CCDC171: variants seen among roughly 807,000 people sequenced by gnomAD.
CCDC171 encodes coiled-coil domain containing 171.
CCDC171 carries 177 observed loss-of-function variants against 168.2 expected under a neutral mutation model. The ratio of observed to expected loss-of-function variants is 1.05; its 90% confidence interval spans 0.93 to 1.19. The LOEUF (loss-of-function observed/expected upper bound fraction) is 1.19. Among genes scored for constraint, CCDC171 ranks in the 50% most tolerant of loss-of-function variants. The pLI is 0.00. For missense variants in CCDC171, 1,991 were observed against 1,539.0 expected, an observed-to-expected ratio of 1.29 and a Z score of -4.91; for synonymous variants, 687 against 540.8, an observed-to-expected ratio of 1.27 and a Z score of -3.75.
chr9:15,667,965 G>T (rs2048850565), intron 9 of CCDC171, among the ~76,000 whole-genome samples: 1 of 151,996 alleles, frequency 6.6e-6, no homozygotes, highest in African/African-American at 2.4e-5. Context: ...TAATACATTT[G>T]AATGTATTCA....
At chr9:15,829,496 G>A (rs566438264) in intron 21 of CCDC171, among the ~76,000 whole-genome samples, 151 of 152,320 alleles carry the variant, frequency 9.9e-4, no homozygotes, top group South Asian at 8.9e-3. Flanking sequence ...AGATGTGAAA[G>A]TTAGTAATTT....
At chr9:16,033,392 T>C (rs1833400404) in intron 6 of CCDC171, among the ~76,000 whole-genome samples, 1 of 152,140 alleles carries the variant, frequency 6.6e-6, no homozygotes, top group South Asian at 2.1e-4. Context: ...CCACCTCCTA[T>C]CAGAACAGCA....
At chr9:15,691,676 A>G (rs1354153581) in intron 10 of CCDC171, among the ~76,000 whole-genome samples, 1 of 150,970 alleles carries the variant, frequency 6.6e-6, no homozygotes, top group African/African-American at 2.4e-5. Context: ...GTTGTATTGT[A>G]TTTACCTTAT....
At chr9:15,688,131 AAAAAAAAAG>A (rs1466226752) in intron 10 of CCDC171, among the ~76,000 whole-genome samples, 86 of 150,176 alleles carry the variant, frequency 5.7e-4, no homozygotes, top group Admixed American at 1.4e-3. Context: ...AAAAAAAAAA[AAAAAAAAAG>A]AAAGAAAGAA....
chr9:15,558,628 C>T (rs1434537120), intron 1 of CCDC171, among the ~76,000 whole-genome samples: 2 of 151,980 alleles, frequency 1.3e-5, no homozygotes, highest in African/African-American at 4.8e-5. Context: ...CTCTTTTCTT[C>T]TTTATTAGTC....
At chr9:15,623,475 G>GCGCGCGCGCGCGCTCACACACACACA in intron 7 of CCDC171, 62 bp downstream of exon 7, 1 of 293,748 alleles carries the variant, frequency 3.4e-6, no homozygotes, top group Admixed American at 5.3e-5. Context: ...GCGCGCGCGC[G>GCGCGCGCGCGCGCTCACACACACACA]CACACACACA....
intron 4 of CCDC171, 114 bp from the exon 5 acceptor site, chr9:15,591,252 A>C (rs778922212): frequency 1.9e-5 from 12 of 632,336 alleles, no homozygotes; most frequent in Non-Finnish European, 2.7e-5. Context: ...GAAAGGTTAA[A>C]TGTTTTATCC....
intron 10 of CCDC171, among the ~76,000 whole-genome samples, chr9:15,683,431 A>G (rs1042290251): frequency 1.2e-4 from 19 of 152,036 alleles, no homozygotes; most frequent in African/African-American, 3.4e-4. Context: ...GGTTTTCAAA[A>G]CTAATGGGCT....
chr9:15,561,358 A>G (rs2039288572), intron 1 of CCDC171, among the ~76,000 whole-genome samples: 1 of 152,218 alleles, frequency 6.6e-6, no homozygotes, highest in Admixed American at 6.5e-5. Context: ...AATGGAAAGT[A>G]ATATTTAGAG....
chr9:15,952,949 T>C (rs895987852), intron 25 of CCDC171, among the ~76,000 whole-genome samples: 10 of 152,166 alleles, frequency 6.6e-5, no homozygotes, highest in Non-Finnish European at 7.3e-5. Context: ...GCTATTTAAA[T>C]GGAATTGTTT....
In CCDC171 at chr9:15,636,499, A is replaced by C. The variant is rs2046209875; in HGVS notation, c.822+13086A>C. Among the ~76,000 whole-genome samples, 4 of 152,270 alleles carry C rather than the reference A, an allele frequency of 2.6e-5. No individual in the cohort carries two copies. The East Asian group carries it at 7.7e-4, about 29-fold the overall frequency. On this transcript the variant is annotated intron_variant, in intron 7 of 25. Coordinates refer to ENST00000380701, the MANE Select transcript of CCDC171 (RefSeq NM_173550.4). ...AGCTGTGGCTCATGCCTGTAATCCC[A>C]GCACTTTGGGAGACAGAGGTGGGCA...
At chr9:15,784,071 T>C (rs2057807766) in intron 20 of CCDC171, among the ~76,000 whole-genome samples, 1 of 152,114 alleles carries the variant, frequency 6.6e-6, no homozygotes, top group African/African-American at 2.4e-5. Flanking sequence ...TGGAGAGGTG[T>C]AGTCATGTAA....
At position 15,736,661 on chromosome 9, in the gene CCDC171, TTTTCTTTCTTTCTTTC is replaced by T. The variant is rs58407296; in HGVS notation, c.2049+6879_2049+6894del. On this transcript the variant is annotated intron_variant, in intron 16 of 25. Coordinates refer to ENST00000380701, the MANE Select transcript of CCDC171 (RefSeq NM_173550.4). ...GCCACGGTGCCCGGCTCACATTTCT[TTTTCTTTCTTTCTTTC>T]TTTCTTTCTTTCTTTTTGAAACAGG... Among the ~76,000 whole-genome samples, 28 of 148,008 alleles carry T rather than the reference TTTTCTTTCTTTCTTTC, an allele frequency of 1.9e-4. 1 individual carries two copies. Among genetic ancestry groups the T allele is most frequent in the Non-Finnish European group, 3.0e-4 (20 of 67,298 alleles).
At chr9:16,024,285 A>G (rs567374013) in intron 6 of CCDC171, among the ~76,000 whole-genome samples, 3 of 152,312 alleles carry the variant, frequency 2.0e-5, no homozygotes, top group Non-Finnish European at 2.9e-5. Context: ...TAAAAATAGG[A>G]AACTAATACA....
chr9:15,777,689 G>A lies in CCDC171; in HGVS notation c.2761G>A (p.Glu921Lys). 6.2e-7 allele frequency: 1 copy of A among 1,613,862 alleles called. No homozygotes were observed. The highest frequency in any genetic ancestry group is 8.5e-7 in the Non-Finnish European group (1 of 1,179,840). ...CATGGATAAAATTAGTCTGGTAATG[G>A]AATGTATACCTCTGCACAGTAGCAG... ...KLMDKISLVM[E>K]CIPLHSSRSI... Residue 921 changes from glutamate (E) to lysine (K), a missense_variant, in exon 19 of 26, where the codon GAA (glutamate) becomes AAA (lysine). Physicochemically the swap from Glu to Lys is moderately conservative, Grantham distance 56 (BLOSUM62 1). Coordinates refer to ENST00000380701, the MANE Select transcript of CCDC171 (RefSeq NM_173550.4).
rs1211414109 is a variant in CCDC171 at position 15,829,200 on chromosome 9, G to A, written c.3268-17502G>A. Among the ~76,000 whole-genome samples, 2 of 152,196 alleles carry A rather than the reference G, an allele frequency of 1.3e-5. 1 individual carries two copies. The highest frequency in any genetic ancestry group is 1.3e-4 in the Admixed American group (2 of 15,282). Reference sequence around the variant, plus strand: ...TTGACCGTTTCCTCAGGTAGTAAATGTTATAGCAGGAATCTGTATTTCAAT... The same window carrying A: ...TTGACCGTTTCCTCAGGTAGTAAATATTATAGCAGGAATCTGTATTTCAAT... On this transcript the variant is annotated intron_variant, in intron 21 of 25. Coordinates refer to ENST00000380701, the MANE Select transcript of CCDC171 (RefSeq NM_173550.4).
chr9:15,661,979 A>G (rs1446782070), intron 8 of CCDC171, among the ~76,000 whole-genome samples: 5 of 152,236 alleles, frequency 3.3e-5, no homozygotes, highest in African/African-American at 9.6e-5. Context: ...AGTTTAGTAT[A>G]AGAATAAACG....
intron 6 of CCDC171, among the ~76,000 whole-genome samples, chr9:15,595,990 G>A (rs1417444173): frequency 6.6e-6 from 1 of 151,872 alleles, no homozygotes; most frequent in Non-Finnish European, 1.5e-5. Flanking sequence ...CTTGTTGATG[G>A]GGTTGTTTTT....
chr9:15,919,663 T>G (rs555480880), intron 24 of CCDC171, among the ~76,000 whole-genome samples: 1 of 151,638 alleles, frequency 6.6e-6, no homozygotes, highest in East Asian at 1.9e-4. Flanking sequence ...TGGTACTGTT[T>G]AGAGGAGATA....
Sources: gnomAD v4.1 joint callset for allele counts (sites outside exome capture counted in the v4.1 genomes callset) on GRCh38, gnomAD v4.1.1 for gene constraint, MANE v1.5 for transcripts, NCBI Gene and HGNC (gene_info 2026-07-23, HGNC 2026-07-21) for gene names.